Variants in SUPT3H observed in about 807,000 individuals in gnomAD.
The protein encoded by SUPT3H is SPT3 homolog, SAGA and STAGA complex component, also known as transcription initiation protein SPT3 homolog.
A neutral mutation model predicts 44.3 loss-of-function variants in SUPT3H; 44 were observed. The ratio of observed to expected loss-of-function variants is 0.99; its 90% CI spans 0.78 to 1.28. The LOEUF (loss-of-function observed/expected upper bound fraction) is 1.28. Ranked by LOEUF, SUPT3H falls within the 50% of genes most tolerant of loss-of-function variation. SUPT3H has a pLI of 0.00. For missense variants in SUPT3H, 380 were observed against 387.1 expected, an observed-to-expected ratio of 0.98 and a Z score of 0.15; for synonymous variants, 124 against 125.6, an observed-to-expected ratio of 0.99 and a Z score of 0.09.
At position 45,362,757 on chromosome 6, in the gene SUPT3H, G is replaced by T. The variant is rs866980117; in HGVS notation, c.101+2444C>A. ...TAGCCAACAATAACTTTTGCATTCCGAATTCAGCTTAGGTACATTGGTTGG... is the reference window on the plus strand; with the variant it reads ...TAGCCAACAATAACTTTTGCATTCCTAATTCAGCTTAGGTACATTGGTTGG... On this transcript the variant is annotated intron_variant, in intron 2 of 10. Transcript: ENST00000371459. 5.3e-4 allele frequency among the ~76,000 whole-genome samples: 80 copies of T among 152,218 alleles called. No individual in the cohort carries two copies. The Middle Eastern group carries it at 0.024, about 45-fold the overall frequency.
intron 2 of SUPT3H, among the ~76,000 whole-genome samples, chr6:45,336,348 T>C (rs1003225783): frequency 6.6e-6 from 1 of 151,426 alleles, no homozygotes; most frequent in Admixed American, 6.6e-5. Context: ...CAGAATATTT[T>C]TGTACACCAA....
At chr6:44,858,747 A>G (rs181845810) in intron 10 of SUPT3H, among the ~76,000 whole-genome samples, 45 of 152,286 alleles carry the variant, frequency 3.0e-4, no homozygotes, top group African/African-American at 1.1e-3. Flanking sequence ...CTGAGAAGGT[A>G]TTTATGCACA....
intron 3 of SUPT3H, among the ~76,000 whole-genome samples, chr6:45,101,515 G>T (rs866827410): frequency 1.3e-5 from 2 of 152,142 alleles, no homozygotes; most frequent in South Asian, 4.1e-4. Context: ...GGAGAGAAAG[G>T]TATAGCCAAA....
At chr6:45,303,359 G>GC (rs2149939341) in intron 2 of SUPT3H, among the ~76,000 whole-genome samples, 1 of 152,148 alleles carries the variant, frequency 6.6e-6, no homozygotes, top group African/African-American at 2.4e-5. Context: ...GAAAATCTTC[G>GC]CAAGCTATAC....
intron 9 of SUPT3H, among the ~76,000 whole-genome samples, chr6:44,933,345 G>T (rs1770898264): frequency 6.6e-6 from 1 of 152,106 alleles, no homozygotes; most frequent in South Asian, 2.1e-4. Flanking sequence ...GTAAAAGGCA[G>T]GTTTGCAAGC....
chr6:45,144,050 TA>T (rs1562543946), intron 2 of SUPT3H, among the ~76,000 whole-genome samples: 1 of 151,862 alleles, frequency 6.6e-6, no homozygotes, highest in East Asian at 1.9e-4. Flanking sequence ...AAAACAGTAA[TA>T]AAAAAATTGC....
intron 2 of SUPT3H, among the ~76,000 whole-genome samples, chr6:45,363,148 C>T (rs1461635840): frequency 1.3e-5 from 2 of 151,934 alleles, no homozygotes; most frequent in Non-Finnish European, 2.9e-5. Context: ...TAGTCTCTGT[C>T]GCAAATACTC....
downstream of SUPT3H, among the ~76,000 whole-genome samples, chr6:44,822,665 C>T (rs1161311463): frequency 1.3e-5 from 2 of 152,044 alleles, no homozygotes; most frequent in South Asian, 2.1e-4. Context: ...CTGATGCATG[C>T]GGTGCTTTAA....
Position 45,133,874 on chromosome 6 carries a change from C to T in SUPT3H, c.102-27868G>A, listed in dbSNP as rs188871013. 3.3e-5 allele frequency among the ~76,000 whole-genome samples: 5 copies of T among 152,248 alleles called. No individual in the cohort carries two copies. The East Asian group carries it at 9.6e-4, about 29-fold the overall frequency. On this transcript the variant is annotated intron_variant, in intron 2 of 10. Coordinates refer to ENST00000371459, the MANE Select transcript of SUPT3H (RefSeq NM_003599.4). ...ACCTCCACTCGCCTGAAGTAGTGAG[C>T]CTTCTTTTGGCAAGGAACAGATTAG...
chr6:44,906,046 G>T (rs898039330), intron 10 of SUPT3H, among the ~76,000 whole-genome samples: 2 of 152,116 alleles, frequency 1.3e-5, no homozygotes, highest in Non-Finnish European at 2.9e-5. Flanking sequence ...GATGGGGAGG[G>T]ATAGCATTAG....
chr6:44,987,313 C>T (rs1430067768), intron 6 of SUPT3H, among the ~76,000 whole-genome samples: 1 of 151,706 alleles, frequency 6.6e-6, no homozygotes, highest in Non-Finnish European at 1.5e-5. Context: ...GGGAAGAGGG[C>T]AATTCAGTCC....
At chr6:45,335,115 T>C (rs750090960) in intron 2 of SUPT3H, among the ~76,000 whole-genome samples, 3 of 151,228 alleles carry the variant, frequency 2.0e-5, no homozygotes, top group African/African-American at 4.8e-5. Context: ...TCATTGACCA[T>C]GTAACCTGGG....
chr6:45,286,011 A>C (rs1289974089), intron 2 of SUPT3H, among the ~76,000 whole-genome samples: 5 of 138,792 alleles, frequency 3.6e-5, no homozygotes, highest in Non-Finnish European at 6.1e-5. Context: ...TTCCCTATTT[A>C]ATAAATGGTG....
chr6:45,162,758 G>C (rs910807764), intron 2 of SUPT3H, among the ~76,000 whole-genome samples: 1 of 152,086 alleles, frequency 6.6e-6, no homozygotes, highest in Non-Finnish European at 1.5e-5. Flanking sequence ...TAAGAGTAAC[G>C]ATGCTTGTTC....
chr6:44,824,040 C>G (rs1431619826), downstream of SUPT3H, among the ~76,000 whole-genome samples: 3 of 152,206 alleles, frequency 2.0e-5, no homozygotes, highest in Non-Finnish European at 2.9e-5. Context: ...GGTAACCCCC[C>G]AGTCACTCAT....
At chr6:44,962,980 G>C (rs974741903) in intron 6 of SUPT3H, among the ~76,000 whole-genome samples, 1 of 150,608 alleles carries the variant, frequency 6.6e-6, no homozygotes, top group Admixed American at 6.6e-5. Flanking sequence ...GTCTATCTTG[G>C]TTATTTACCC....
At chr6:44,857,159 A>G (rs1458786276) in intron 10 of SUPT3H, among the ~76,000 whole-genome samples, 1 of 152,098 alleles carries the variant, frequency 6.6e-6, no homozygotes, top group East Asian at 1.9e-4. Context: ...TACTGTCTGC[A>G]TTTTGCTTCT....
intron 2 of SUPT3H, among the ~76,000 whole-genome samples, chr6:45,204,583 T>C (rs138910835): frequency 6.6e-6 from 1 of 152,340 alleles, no homozygotes; most frequent in East Asian, 1.9e-4. Flanking sequence ...CAAACAGATC[T>C]GCTTCAATCT....
intron 2 of SUPT3H, among the ~76,000 whole-genome samples, chr6:45,129,516 C>G (rs1803077442): frequency 6.6e-6 from 1 of 152,138 alleles, no homozygotes; most frequent in Non-Finnish European, 1.5e-5. Flanking sequence ...GAGAATTAGA[C>G]TGCTAAAGAT....
Sources: gnomAD v4.1 joint callset for allele counts (sites outside exome capture counted in the v4.1 genomes callset) on GRCh38, gnomAD v4.1.1 for gene constraint, MANE v1.5 for transcripts, NCBI Gene and HGNC (gene_info 2026-07-23, HGNC 2026-07-21) for gene names.